ABLIM3: variants seen among roughly 807,000 people sequenced by gnomAD.
The protein encoded by ABLIM3 is actin-binding LIM protein 3.
ABLIM3 carries 61 observed loss-of-function variants against 109.5 expected under a neutral mutation model. The observed-to-expected ratio is 0.56, with a 90% CI of 0.45 to 0.69. The LOEUF (loss-of-function observed/expected upper bound fraction) is 0.69. Ranked by LOEUF, ABLIM3 falls within the 30% of genes least tolerant of loss-of-function variation. The pLI is 0.00. For missense variants in ABLIM3, 796 were observed against 889.5 expected, an observed-to-expected ratio of 0.89 and a Z score of 1.34; for synonymous variants, 300 against 324.8, an observed-to-expected ratio of 0.92 and a Z score of 0.82.
chr5:149,241,066 C>T (rs903447272), intron 14 of ABLIM3, among the ~76,000 whole-genome samples: 3 of 152,216 alleles, frequency 2.0e-5, no homozygotes, highest in Non-Finnish European at 4.4e-5. Flanking sequence ...GTGAGGGGCG[C>T]AGCAGGGGCA....
intron 2 of ABLIM3, among the ~76,000 whole-genome samples, chr5:149,162,537 G>C (rs531641150): frequency 6.6e-6 from 1 of 152,190 alleles, no homozygotes; most frequent in Non-Finnish European, 1.5e-5. Context: ...CTGGAAGGGC[G>C]TGAGCAATCC....
intron 9 of ABLIM3, 40 bp from the exon 10 acceptor site, chr5:149,233,189 T>C: frequency 6.3e-7 from 1 of 1,599,040 alleles, no homozygotes. Flanking sequence ...CAAGCTCAGG[T>C]TGCAGCTTCT....
At chr5:149,209,220 G>A (rs1759304766) in intron 6 of ABLIM3, among the ~76,000 whole-genome samples, 1 of 152,192 alleles carries the variant, frequency 6.6e-6, no homozygotes. Context: ...GGGACTTAAG[G>A]GATTGTTCAG....
chr5:149,162,109 C>T (rs1020990408), intron 2 of ABLIM3, among the ~76,000 whole-genome samples: 2 of 152,216 alleles, frequency 1.3e-5, no homozygotes. Context: ...AAAGCCTTTG[C>T]GTTAGCCTCT....
chr5:149,210,683 A>G, intron 6 of ABLIM3, 43 bp from the exon 7 acceptor site: 1 of 1,571,750 alleles, frequency 6.4e-7, no homozygotes, highest in South Asian at 1.1e-5. Flanking sequence ...ACCCTCACTG[A>G]TCCTCCCTAA....
At position 149,198,244 on chromosome 5, in the gene ABLIM3, AG is replaced by A; in HGVS notation, c.179del (p.Gly60AlafsTer62). On this transcript the variant is annotated frameshift_variant, in exon 4 of 24. Coordinates refer to ENST00000309868, the MANE Select transcript of ABLIM3 (RefSeq NM_014945.5). LOFTEE classifies it high-confidence loss of function. This position sits in a 1 kb window ranked among gnomAD's most constrained non-coding sequence, Gnocchi z 4.2. Reference protein sequence around the residue: ...QVCGCGLAQSGFFFKNQEYIC... With the variant: ...QVCGCGLAQSXFFFKNQEYIC... The stretch of plus-strand genomic sequence containing the variant: ...TATGTGGCTGTGGCCTGGCCCAGTC[AG>A]GCTTCTTCTTCAAGAACCAGGAGTA... The A allele has an allele frequency of 6.2e-7, 1 of 1,613,742 alleles. No individual in the cohort carries two copies. Among genetic ancestry groups the A allele is most frequent in the Non-Finnish European group, 8.5e-7 (1 of 1,179,812 alleles).
At chr5:149,253,645 G>C (rs1210123844) in intron 23 of ABLIM3, among the ~76,000 whole-genome samples, 1 of 152,350 alleles carries the variant, frequency 6.6e-6, no homozygotes, top group South Asian at 2.1e-4. Context: ...AGTAGAGTTT[G>C]TGATTGAGAG....
chr5:149,189,808 A>G (rs993927731), intron 3 of ABLIM3, among the ~76,000 whole-genome samples: 1 of 152,228 alleles, frequency 6.6e-6, no homozygotes, highest in African/African-American at 2.4e-5. Flanking sequence ...CAGTTCCTCA[A>G]AAGATGAAAT....
intron 7 of ABLIM3, 57 bp from the exon 8 acceptor site, chr5:149,216,902 C>A: frequency 6.8e-7 from 1 of 1,466,972 alleles, no homozygotes; most frequent in Non-Finnish European, 9.5e-7. Context: ...ACCCAATCTG[C>A]CCCACTAGAC....
intron 17 of ABLIM3, 147 bp from the exon 18 acceptor site, chr5:149,247,635 G>T: frequency 9.9e-7 from 1 of 1,012,350 alleles, no homozygotes; most frequent in Non-Finnish European, 1.5e-6. Context: ...GGAAACATGG[G>T]TGCCACAAGG....
intron 22 of ABLIM3, 57 bp downstream of exon 22, chr5:149,252,265 G>A (rs1344611595): frequency 6.3e-7 from 1 of 1,592,540 alleles, no homozygotes; most frequent in Non-Finnish European, 8.6e-7. Flanking sequence ...CGCTACACTG[G>A]GGATCACCAG....
In ABLIM3 at chr5:149,198,505, C is replaced by T. The variant is rs1758193658; in HGVS notation, c.335+103C>T. On this transcript the variant is annotated intron_variant, in intron 4 of 23. Transcript: ENST00000309868. This position sits in a 1 kb window ranked among gnomAD's most constrained non-coding sequence, Gnocchi z 4.2. Reference sequence around the variant, plus strand: ...AGTTCTGGGGTTTACAAGGTTTGTGCTGCACATTTAGATTTCTGGAACCTC... The same window carrying T: ...AGTTCTGGGGTTTACAAGGTTTGTGTTGCACATTTAGATTTCTGGAACCTC... 2 of 1,374,878 alleles carry T rather than the reference C, an allele frequency of 1.5e-6. No individual in the cohort carries two copies. Among genetic ancestry groups the T allele is most frequent in the Non-Finnish European group, 1.9e-6 (2 of 1,032,464 alleles). 85.2% of individuals were successfully genotyped at this position (1,374,878 alleles called of 1,614,324 possible). A position where few individuals can be genotyped will look rare whatever the true frequency, so the allele number is the denominator to read the frequency against.
rs554137479 is a variant in ABLIM3, at chr5:149,259,168, G to A, written c.*764G>A. 16 of 1,037,544 alleles carry A rather than the reference G, an allele frequency of 1.5e-5. No homozygotes were observed. The highest frequency in any genetic ancestry group is 3.4e-5 in the African/African-American group (2 of 59,044). The allele number at this position is 1,037,544 out of a possible 1,614,324, so 64.3% of individuals were successfully genotyped here. The stretch of plus-strand genomic sequence containing the variant: ...AGAACCAGAGGAAAAGAGAGGGAGC[G>A]GAAGTGGGAGATGGAGCAGGGCACC... On this transcript the variant is annotated 3_prime_UTR_variant, in exon 24 of 24. Transcript: ENST00000309868.
chr5:149,226,855 G>T (rs529810632), intron 8 of ABLIM3, among the ~76,000 whole-genome samples: 15 of 152,230 alleles, frequency 9.9e-5, no homozygotes, highest in African/African-American at 3.6e-4. Flanking sequence ...CAGATCACCT[G>T]AGGTTGGGAG....
chr5:149,255,971 T>C (rs1234516849), intron 23 of ABLIM3, among the ~76,000 whole-genome samples: 1 of 152,184 alleles, frequency 6.6e-6, no homozygotes. Context: ...AAAAGGAAAT[T>C]GAAGTTCAGG....
intron 8 of ABLIM3, chr5:149,220,619 G>A (rs1477893545): frequency 6.6e-6 from 1 of 152,132 alleles, no homozygotes; most frequent in Non-Finnish European, 1.5e-5. Flanking sequence ...CTCACCAAGT[G>A]GGGACACCAG....
intron 8 of ABLIM3, among the ~76,000 whole-genome samples, chr5:149,228,622 C>T (rs1761543575): frequency 1.3e-5 from 2 of 152,208 alleles, no homozygotes; most frequent in Admixed American, 1.3e-4. Context: ...TCACAGGGAT[C>T]TTCATGAACA....
At chr5:149,161,890 CTGTGTGTGTGTGTGTATGTGTA>C (rs1754405048) in intron 2 of ABLIM3, among the ~76,000 whole-genome samples, 1 of 149,910 alleles carries the variant, frequency 6.7e-6, no homozygotes, top group African/African-American at 2.4e-5. Flanking sequence ...TATGCGTGGG[CTGTGTGTGTGTGTGTATGTGTA>C]TGTGTGTGTG....
At chr5:149,239,183 C>T (rs913994024) in intron 11 of ABLIM3, 65 bp from the exon 12 acceptor site, 28 of 1,538,408 alleles carry the variant, frequency 1.8e-5, no homozygotes, top group African/African-American at 4.1e-5. Context: ...CTCTGTCCTT[C>T]GTCTCGTCCT....
Sources: allele counts gnomAD v4.1 joint callset (sites outside exome capture counted in the v4.1 genomes callset), GRCh38; gene constraint gnomAD v4.1.1; non-coding constraint Gnocchi (gnomAD v3.1); transcripts MANE v1.5; gene names NCBI Gene and HGNC (gene_info 2026-07-23, HGNC 2026-07-21).